The following ARHGAP26 variants were observed in gnomAD, a reference collection of about 807,000 sequenced individuals.
ARHGAP26 encodes the protein Rho GTPase activating protein 26, also known as rho GTPase-activating protein 26.
In ARHGAP26, 38 loss-of-function variants were observed where a neutral mutation model predicts 104.8. The ratio of observed to expected loss-of-function variants is 0.36; its 90% CI spans 0.28 to 0.48. ARHGAP26 has a LOEUF of 0.48. Among genes scored for constraint, ARHGAP26 ranks in the 20% least tolerant of loss-of-function variants. ARHGAP26 has a pLI of 0.99. For synonymous variants in ARHGAP26, 341 were observed against 340.0 expected, an observed-to-expected ratio of 1.00 and a Z score of -0.03; for missense variants, 704 against 947.9, an observed-to-expected ratio of 0.74 and a Z score of 3.38.
At chr5:142,865,620 G>C (rs184564535) in intron 1 of ARHGAP26, among the ~76,000 whole-genome samples, 1 of 151,844 alleles carries the variant, frequency 6.6e-6, no homozygotes, top group African/African-American at 2.4e-5. Context: ...CCTTGGCTGT[G>C]GTTGCACATT....
intron 11 of ARHGAP26, among the ~76,000 whole-genome samples, chr5:142,968,662 T>C (rs1771774895): frequency 6.6e-6 from 1 of 152,244 alleles, no homozygotes; most frequent in Non-Finnish European, 1.5e-5. Context: ...TACATACATA[T>C]GTATTGTGCA....
At chr5:142,782,275 A>G (rs1757671225) in intron 1 of ARHGAP26, among the ~76,000 whole-genome samples, 1 of 152,192 alleles carries the variant, frequency 6.6e-6, no homozygotes, top group Admixed American at 6.5e-5. Flanking sequence ...TGTGGGAAGC[A>G]CAAGTCTGGA....
chr5:143,056,664 G>C (rs1385892175), intron 16 of ARHGAP26, among the ~76,000 whole-genome samples: 1 of 152,110 alleles, frequency 6.6e-6, no homozygotes, highest in Non-Finnish European at 1.5e-5. Context: ...AAGTATACTG[G>C]AATCTCTGGC....
At chr5:143,114,726 G>T (rs1483546879) in intron 17 of ARHGAP26, among the ~76,000 whole-genome samples, 1 of 152,136 alleles carries the variant, frequency 6.6e-6, no homozygotes, top group Non-Finnish European at 1.5e-5. Context: ...GCATTCCAAG[G>T]TCATGATCCA....
chr5:143,025,858 G>C (rs1256893083), intron 12 of ARHGAP26, among the ~76,000 whole-genome samples: 1 of 152,152 alleles, frequency 6.6e-6, no homozygotes, highest in African/African-American at 2.4e-5. Flanking sequence ...AGAGCTGGTA[G>C]GTTTATTCCC....
chr5:142,951,312 G>C (rs530530540), intron 11 of ARHGAP26, among the ~76,000 whole-genome samples: 14 of 152,246 alleles, frequency 9.2e-5, no homozygotes, highest in African/African-American at 3.4e-4. Context: ...CGCCCGCCTC[G>C]ACCTCCCAAA....
intron 1 of ARHGAP26, among the ~76,000 whole-genome samples, chr5:142,829,757 C>T (rs1459360346): frequency 1.3e-5 from 2 of 152,142 alleles, no homozygotes; most frequent in African/African-American, 4.8e-5. Flanking sequence ...GGAGTGTGTG[C>T]CCAGGTGTGT....
chr5:142,931,261 T>A (rs929989909), intron 10 of ARHGAP26, among the ~76,000 whole-genome samples: 6 of 152,250 alleles, frequency 3.9e-5, no homozygotes, highest in Non-Finnish European at 8.8e-5. Context: ...GAAGAACTCC[T>A]GCTTTAATGG....
intron 12 of ARHGAP26, among the ~76,000 whole-genome samples, chr5:143,018,223 CCTA>C (rs1404735775): frequency 6.6e-6 from 1 of 152,106 alleles, no homozygotes; most frequent in African/African-American, 2.4e-5. Context: ...GTAAAAAGTT[CCTA>C]CTGATTCTAG....
intron 11 of ARHGAP26, among the ~76,000 whole-genome samples, chr5:142,968,825 A>C (rs983201803): frequency 1.9e-4 from 29 of 152,214 alleles, no homozygotes; most frequent in Non-Finnish European, 3.7e-4. Context: ...CCCTTCCCTG[A>C]CAAACTGCTG....
intron 1 of ARHGAP26, among the ~76,000 whole-genome samples, chr5:142,872,490 G>A (rs1327508099): frequency 6.6e-6 from 1 of 152,172 alleles, no homozygotes; most frequent in Non-Finnish European, 1.5e-5. Flanking sequence ...CAGGAAGACT[G>A]CACATGGAAT....
chr5:142,885,748 C>G (rs1333715286), intron 5 of ARHGAP26, among the ~76,000 whole-genome samples: 1 of 152,180 alleles, frequency 6.6e-6, no homozygotes, highest in South Asian at 2.1e-4. Context: ...TGTTACTTTA[C>G]CTTTTGACTT....
At chr5:142,781,595 GTC>G (rs1179477300) in intron 1 of ARHGAP26, among the ~76,000 whole-genome samples, 4 of 152,202 alleles carry the variant, frequency 2.6e-5, no homozygotes, top group African/African-American at 7.2e-5. Flanking sequence ...GGGTGCAGGT[GTC>G]TGGGGCAGGA....
chr5:143,004,514 C>T (rs1016722868), intron 11 of ARHGAP26, among the ~76,000 whole-genome samples: 1 of 152,152 alleles, frequency 6.6e-6, no homozygotes, highest in East Asian at 1.9e-4. Context: ...GCCTTCTAGA[C>T]AGAAGGGGGC....
intron 18 of ARHGAP26, among the ~76,000 whole-genome samples, chr5:143,129,008 G>T (rs537130833): frequency 2.3e-4 from 35 of 152,276 alleles, no homozygotes; most frequent in Admixed American, 7.8e-4. Context: ...TGACAGATGG[G>T]ATTGAAGAAG....
intron 1 of ARHGAP26, among the ~76,000 whole-genome samples, chr5:142,839,499 T>A (rs1248624051): frequency 6.6e-6 from 1 of 152,092 alleles, no homozygotes; most frequent in Non-Finnish European, 1.5e-5. Context: ...CTGAAACCCA[T>A]GTGGGATAGT....
intron 22 of ARHGAP26, chr5:143,216,167 C>G (rs1810323091): frequency 2.1e-6 from 1 of 471,604 alleles, no homozygotes; most frequent in South Asian, 1.5e-5. Flanking sequence ...TGTTAACTGC[C>G]AAGTCCTTTT....
intron 22 of ARHGAP26, among the ~76,000 whole-genome samples, 184 bp downstream of exon 22, chr5:143,214,272 C>T (rs1372150527): frequency 6.6e-6 from 1 of 152,146 alleles, no homozygotes. Flanking sequence ...ATAGCAGCAG[C>T]AGGACTTCCG....
chr5:143,046,792 A>T (rs550928519), intron 14 of ARHGAP26, among the ~76,000 whole-genome samples: 4 of 152,136 alleles, frequency 2.6e-5, no homozygotes, highest in Non-Finnish European at 4.4e-5. Flanking sequence ...TTTTAAATAA[A>T]TTTTTTCCTG....
Sources: gnomAD v4.1 joint callset for allele counts (sites outside exome capture counted in the v4.1 genomes callset) on GRCh38, gnomAD v4.1.1 for gene constraint, MANE v1.5 for transcripts, NCBI Gene and HGNC (gene_info 2026-07-23, HGNC 2026-07-21) for gene names.